The following DOK6 variants were observed in gnomAD, a reference collection of about 807,000 sequenced individuals.
The protein encoded by DOK6 is docking protein 6.
DOK6 carries 22 observed loss-of-function variants against 44.0 expected under a neutral mutation model. That is an observed-to-expected ratio of 0.50 (90% CI 0.36 to 0.71). The LOEUF (loss-of-function observed/expected upper bound fraction) is 0.71, where lower values mean the gene tolerates loss of function less well. Ranked by LOEUF, DOK6 falls within the 30% of genes least tolerant of loss-of-function variation. DOK6 has a pLI of 0.00. For synonymous variants in DOK6, 166 were observed against 145.5 expected, an observed-to-expected ratio of 1.14 and a Z score of -1.01; for missense variants, 340 against 416.4, an observed-to-expected ratio of 0.82 and a Z score of 1.60.
intron 2 of DOK6, among the ~76,000 whole-genome samples, chr18:69,575,457 A>G (rs1303569428): frequency 6.6e-6 from 1 of 152,132 alleles, no homozygotes; most frequent in East Asian, 1.9e-4. Flanking sequence ...TAAACTTTAT[A>G]ATAAGCCCTT....
At chr18:69,745,291 C>A (rs1978948109) in intron 6 of DOK6, among the ~76,000 whole-genome samples, 1 of 152,052 alleles carries the variant, frequency 6.6e-6, no homozygotes, top group African/African-American at 2.4e-5. Context: ...AGTTTTGATT[C>A]TTTGCTTTGC....
At chr18:69,578,696 T>C (rs1470502801) in intron 2 of DOK6, among the ~76,000 whole-genome samples, 1 of 152,218 alleles carries the variant, frequency 6.6e-6, no homozygotes, top group Non-Finnish European at 1.5e-5. Flanking sequence ...TTGCATAATA[T>C]ATGACAGATG....
chr18:69,807,378 G>A (rs1380302725), intron 7 of DOK6, among the ~76,000 whole-genome samples: 3 of 151,874 alleles, frequency 2.0e-5, no homozygotes, highest in Admixed American at 6.6e-5. Context: ...GATGAAGAAC[G>A]CAGCAAATGA....
At chr18:69,456,761 CT>C (rs1414515977) in intron 1 of DOK6, among the ~76,000 whole-genome samples, 3 of 152,144 alleles carry the variant, frequency 2.0e-5, no homozygotes, top group African/African-American at 7.2e-5. Context: ...ATTTTCTTTC[CT>C]ACGAAAAGTG....
At chr18:69,572,766 G>C (rs139578380) in intron 2 of DOK6, among the ~76,000 whole-genome samples, 256 of 152,014 alleles carry the variant, frequency 1.7e-3, no homozygotes, top group African/African-American at 6.0e-3. Context: ...TGGTATTATG[G>C]CTAACACCAA....
chr18:69,763,787 A>G (rs1488048580), intron 7 of DOK6, among the ~76,000 whole-genome samples: 5 of 152,226 alleles, frequency 3.3e-5, no homozygotes, highest in African/African-American at 1.2e-4. Flanking sequence ...GAAGATGACA[A>G]AAGCATTTAT....
intron 1 of DOK6, among the ~76,000 whole-genome samples, chr18:69,502,746 T>C (rs188047675): frequency 6.6e-6 from 1 of 152,218 alleles, no homozygotes; most frequent in East Asian, 1.9e-4. Flanking sequence ...AGATGCCATA[T>C]ATGTATATCA....
intron 1 of DOK6, among the ~76,000 whole-genome samples, chr18:69,403,184 A>C (rs897376619): frequency 2.6e-5 from 4 of 152,336 alleles, no homozygotes; most frequent in Admixed American, 1.3e-4. Flanking sequence ...CCTGCATATG[A>C]AAATGAGACT....
intron 1 of DOK6, among the ~76,000 whole-genome samples, chr18:69,417,720 T>G (rs1173250812): frequency 6.6e-6 from 1 of 152,184 alleles, no homozygotes; most frequent in Non-Finnish European, 1.5e-5. Flanking sequence ...CGCCAGCATT[T>G]ATTATTTTCT....
At chr18:69,758,103 C>A (rs570264036) in intron 7 of DOK6, among the ~76,000 whole-genome samples, 1 of 152,276 alleles carries the variant, frequency 6.6e-6, no homozygotes, top group East Asian at 1.9e-4. Context: ...GCTAAGGACC[C>A]CATTTGGCAC....
chr18:69,671,117 G>A (rs993498259), intron 3 of DOK6, among the ~76,000 whole-genome samples: 3 of 151,898 alleles, frequency 2.0e-5, no homozygotes, highest in Admixed American at 6.6e-5. Flanking sequence ...ACTAACCTCC[G>A]TATTAAAGAA....
intron 1 of DOK6, among the ~76,000 whole-genome samples, chr18:69,519,268 G>T (rs1433328837): frequency 6.6e-6 from 1 of 151,858 alleles, no homozygotes; most frequent in East Asian, 1.9e-4. Context: ...TATTGATGCA[G>T]ACTTTTGGAG....
chr18:69,494,876 G>T (rs1427311092), intron 1 of DOK6, among the ~76,000 whole-genome samples: 1 of 152,218 alleles, frequency 6.6e-6, no homozygotes, highest in East Asian at 1.9e-4. Context: ...GCACCTTTGT[G>T]TGAGTTTTGC....
intron 1 of DOK6, among the ~76,000 whole-genome samples, chr18:69,456,836 A>T (rs552854962): frequency 4.6e-5 from 7 of 152,084 alleles, no homozygotes; most frequent in Non-Finnish European, 7.4e-5. Context: ...TCTTAATAAT[A>T]GCCATTTTGA....
chr18:69,524,234 G>A (rs1257768026), intron 1 of DOK6, among the ~76,000 whole-genome samples: 1 of 151,954 alleles, frequency 6.6e-6, no homozygotes, highest in Non-Finnish European at 1.5e-5. Flanking sequence ...AAGTTACATG[G>A]TGAATTAATC....
intron 1 of DOK6, among the ~76,000 whole-genome samples, chr18:69,497,549 T>C (rs1210601851): frequency 4.6e-5 from 7 of 152,208 alleles, no homozygotes; most frequent in Admixed American, 3.9e-4. Context: ...TGCTCACAGG[T>C]TGTCCTCTGA....
chr18:69,512,266 G>A (rs1981388037), intron 1 of DOK6, among the ~76,000 whole-genome samples: 1 of 150,654 alleles, frequency 6.6e-6, no homozygotes, highest in Admixed American at 6.6e-5. Flanking sequence ...GCTATCTTGA[G>A]CGTCATACTT....
Position 69,433,505 on chromosome 18 carries a change from A to G in DOK6, c.66+32195A>G, listed in dbSNP as rs1978863277. Among the ~76,000 whole-genome samples, 3 of 152,204 alleles carry G rather than the reference A, an allele frequency of 2.0e-5. No individual in the cohort carries two copies. In the South Asian group the frequency reaches 6.2e-4, roughly 32 times the overall value. On this transcript the variant is annotated intron_variant, in intron 1 of 7. Coordinates refer to ENST00000382713, the MANE Select transcript of DOK6 (RefSeq NM_152721.6). ...TGCATTTAACCAAAATAGCAGCCAA[A>G]AATTATTCCAGATAGAGATAAAGCT...
At chr18:69,434,908 G>A (rs1297536923) in intron 1 of DOK6, among the ~76,000 whole-genome samples, 5 of 137,022 alleles carry the variant, frequency 3.6e-5, no homozygotes, top group Admixed American at 7.7e-5. Flanking sequence ...GCGACAGAGC[G>A]AGGCTCTGTC....
Sources: gnomAD v4.1 joint callset for allele counts (sites outside exome capture counted in the v4.1 genomes callset) on GRCh38, gnomAD v4.1.1 for gene constraint, MANE v1.5 for transcripts, NCBI Gene and HGNC (gene_info 2026-07-23, HGNC 2026-07-21) for gene names.